The following CTNND2 variants were observed in gnomAD, a reference collection of about 807,000 sequenced individuals.
CTNND2 encodes the protein catenin delta-2.
In CTNND2, 22 loss-of-function variants were observed where a neutral mutation model predicts 144.4. The ratio of observed to expected loss-of-function variants is 0.15; its 90% CI spans 0.11 to 0.22. The LOEUF is 0.22. Ranked by LOEUF, CTNND2 falls within the 10% of genes least tolerant of loss-of-function variation. The probability of loss-of-function intolerance (pLI) is 1.00; values close to 1 mark genes in which losing one functional copy is unlikely to be tolerated. For missense variants in CTNND2, 1,353 were observed against 1,618.8 expected (o/e 0.84, Z 2.82); for synonymous variants, 751 against 695.6 (o/e 1.08, Z -1.25).
intron 2 of CTNND2, among the ~76,000 whole-genome samples, chr5:11,592,609 C>T (rs1779310134): frequency 6.6e-6 from 1 of 150,458 alleles, no homozygotes; most frequent in South Asian, 2.1e-4. Context: ...CAACAGTATT[C>T]TTAAGTAAAA....
At chr5:11,582,616 T>A (rs187154470) in intron 2 of CTNND2, among the ~76,000 whole-genome samples, 91 of 152,262 alleles carry the variant, frequency 6.0e-4, no homozygotes, top group Non-Finnish European at 1.0e-3. Flanking sequence ...ATTGTGACTA[T>A]CCACCTTTTC....
chr5:11,588,415 T>A (rs921963270), intron 2 of CTNND2, among the ~76,000 whole-genome samples: 1 of 152,058 alleles, frequency 6.6e-6, no homozygotes, highest in Non-Finnish European at 1.5e-5. Flanking sequence ...TTTCATAAAA[T>A]CTAAAGTATA....
intron 11 of CTNND2, among the ~76,000 whole-genome samples, chr5:11,162,115 T>C (rs1758828135): frequency 6.6e-6 from 1 of 151,690 alleles, no homozygotes; most frequent in Admixed American, 6.6e-5. Flanking sequence ...ATCGTGCCAC[T>C]GTACTCCAGC....
chr5:11,862,852 A>G (rs1795565728), intron 1 of CTNND2, among the ~76,000 whole-genome samples: 1 of 152,236 alleles, frequency 6.6e-6, no homozygotes. Flanking sequence ...AACAAGCACT[A>G]TATTAAACTG....
At chr5:11,290,349 T>A (rs1474462878) in intron 9 of CTNND2, among the ~76,000 whole-genome samples, 1 of 152,210 alleles carries the variant, frequency 6.6e-6, no homozygotes, top group East Asian at 1.9e-4. Context: ...GCTCATCGCA[T>A]AAGAAGAGCT....
chr5:11,816,427 G>C (rs1353269438), intron 1 of CTNND2, among the ~76,000 whole-genome samples: 1 of 151,604 alleles, frequency 6.6e-6, no homozygotes, highest in African/African-American at 2.4e-5. Flanking sequence ...AAGGCTGTGT[G>C]ACCATGCAAA....
chr5:11,637,377 G>A (rs1781766223), intron 2 of CTNND2, among the ~76,000 whole-genome samples: 1 of 152,206 alleles, frequency 6.6e-6, no homozygotes, highest in South Asian at 2.1e-4. Context: ...CAGTTGAGAA[G>A]TTGGCATCTA....
At chr5:11,784,427 G>A (rs982068323) in intron 1 of CTNND2, among the ~76,000 whole-genome samples, 2 of 152,128 alleles carry the variant, frequency 1.3e-5, no homozygotes, top group African/African-American at 4.8e-5. Context: ...GGATGTGATA[G>A]GCAAAACTCT....
intron 2 of CTNND2, among the ~76,000 whole-genome samples, chr5:11,647,724 C>G (rs1782434082): frequency 6.6e-6 from 1 of 152,096 alleles, no homozygotes; most frequent in Non-Finnish European, 1.5e-5. Context: ...GCATCAGGAC[C>G]TGTGCTAACT....
chr5:11,027,129 C>T (rs1484145594), intron 16 of CTNND2: 2 of 152,144 alleles, frequency 1.3e-5, no homozygotes, highest in East Asian at 1.9e-4. Context: ...CCTTGCCTTG[C>T]TTCTATTTTG....
chr5:11,393,459 G>C (rs984674232), intron 6 of CTNND2, among the ~76,000 whole-genome samples: 2 of 152,140 alleles, frequency 1.3e-5, no homozygotes, highest in African/African-American at 2.4e-5. Flanking sequence ...AAAATGCTTG[G>C]TGAAACTATT....
chr5:11,192,742 C>T (rs992685840), intron 11 of CTNND2, among the ~76,000 whole-genome samples: 11 of 152,164 alleles, frequency 7.2e-5, no homozygotes, highest in African/African-American at 2.7e-4. Context: ...GCCCCGGTGA[C>T]AGCTGGATTG....
chr5:11,568,274 T>C (rs1777281730), intron 2 of CTNND2, among the ~76,000 whole-genome samples: 1 of 152,208 alleles, frequency 6.6e-6, no homozygotes, highest in African/African-American at 2.4e-5. Flanking sequence ...TTCTGATATT[T>C]GGACCCATGA....
intron 3 of CTNND2, among the ~76,000 whole-genome samples, chr5:11,490,792 G>A (rs905287568): frequency 3.3e-5 from 5 of 151,970 alleles, no homozygotes; most frequent in Admixed American, 6.6e-5. Flanking sequence ...TTAATCTCTC[G>A]AATGAGATAA....
intron 3 of CTNND2, among the ~76,000 whole-genome samples, chr5:11,484,850 T>C (rs1056420112): frequency 2.0e-5 from 3 of 152,204 alleles, no homozygotes; most frequent in East Asian, 1.9e-4. Flanking sequence ...GGAATGCTCA[T>C]AGAGTTGGCA....
chr5:11,137,014 C>T (rs1195397062), intron 12 of CTNND2, among the ~76,000 whole-genome samples: 1 of 152,186 alleles, frequency 6.6e-6, no homozygotes, highest in Non-Finnish European at 1.5e-5. Context: ...CCTGCAAAGC[C>T]CATGAAAATA....
rs551664540 is a variant in CTNND2 at position 11,799,644 on chromosome 5, C to T, written c.38-67372G>A. Among the ~76,000 whole-genome samples the T allele has an allele frequency of 5.6e-4, 85 of 152,226 alleles. 2 individuals are homozygous for T. The South Asian group carries it at 9.5e-3, about 17-fold the overall frequency. On this transcript the variant is annotated intron_variant, in intron 1 of 21. Transcript: ENST00000304623. ...TTACTACCATATTATGAAATATCCC[C>T]CCCTTGCTCTGTCCATATCGCTACT...
chr5:11,701,739 G>A (rs1462552276), intron 2 of CTNND2, among the ~76,000 whole-genome samples: 1 of 152,046 alleles, frequency 6.6e-6, no homozygotes, highest in Non-Finnish European at 1.5e-5. Context: ...CAGCATTTCT[G>A]TTACAAGTCT....
At chr5:11,854,353 C>A (rs142768180) in intron 1 of CTNND2, among the ~76,000 whole-genome samples, 2 of 152,326 alleles carry the variant, frequency 1.3e-5, no homozygotes, top group Admixed American at 6.5e-5. Flanking sequence ...ATCTAACATA[C>A]AATTTACTCA....
Sources: gnomAD v4.1 joint callset for allele counts (sites outside exome capture counted in the v4.1 genomes callset) on GRCh38, gnomAD v4.1.1 for gene constraint, MANE v1.5 for transcripts, NCBI Gene and HGNC (gene_info 2026-07-23, HGNC 2026-07-21) for gene names.